SDK1: variants seen among roughly 807,000 people sequenced by gnomAD.
The protein encoded by SDK1 is sidekick cell adhesion molecule 1.
A neutral mutation model predicts 245.5 loss-of-function variants in SDK1; 157 were observed. The ratio of observed to expected loss-of-function variants is 0.64; its 90% CI spans 0.56 to 0.73. The LOEUF (loss-of-function observed/expected upper bound fraction) is 0.73. SDK1 is among the 30% of genes least tolerant of loss of function. SDK1 has a pLI of 0.00. For missense variants in SDK1, 3,583 were observed against 3,002.3 expected, an observed-to-expected ratio of 1.19 and a Z score of -4.52; for synonymous variants, 1,647 against 1,278.5, an observed-to-expected ratio of 1.29 and a Z score of -6.15.
Position 3,502,787 on chromosome 7 carries a change from T to C in SDK1, c.299-116293T>C, listed in dbSNP as rs557568870. On this transcript the variant is annotated intron_variant, in intron 1 of 44. Transcript: ENST00000404826. ...TCAGGCTAATTAACAACACATTTCT[T>C]ACACGTGAGAGGGCTGTTTTTTAGA... is the stretch of plus-strand genomic sequence containing the variant. Among the ~76,000 whole-genome samples the C allele has an allele frequency of 1.9e-4, 29 of 152,362 alleles. 1 individual carries two copies. Among genetic ancestry groups the C allele is most frequent in the Non-Finnish European group, 3.7e-4 (25 of 68,032 alleles).
intron 4 of SDK1, among the ~76,000 whole-genome samples, chr7:3,663,784 A>G (rs528118945): frequency 7.9e-5 from 12 of 152,306 alleles, no homozygotes; most frequent in Admixed American, 2.6e-4. Flanking sequence ...CTGTACATCT[A>G]AAAGGAAGTA....
At chr7:3,367,518 T>C (rs1781122787) in intron 1 of SDK1, among the ~76,000 whole-genome samples, 1 of 152,230 alleles carries the variant, frequency 6.6e-6, no homozygotes, top group Admixed American at 6.5e-5. Context: ...ATCTATCCCA[T>C]ACTTGTCATT....
At chr7:4,008,265 G>A (rs755324316) in intron 14 of SDK1, among the ~76,000 whole-genome samples, 5 of 152,196 alleles carry the variant, frequency 3.3e-5, no homozygotes, top group South Asian at 2.1e-4. Flanking sequence ...TGGACAGATC[G>A]TATTTGTTTA....
intron 18 of SDK1, among the ~76,000 whole-genome samples, chr7:4,051,056 C>T (rs1219800706): frequency 2.2e-5 from 3 of 137,554 alleles, no homozygotes; most frequent in Non-Finnish European, 4.6e-5. Context: ...GTATACTATA[C>T]ATATATATGT....
rs1257038256 is a variant in SDK1 at position 3,910,006 on chromosome 7, C to T, written c.848-40917C>T. On this transcript the variant is annotated intron_variant, in intron 5 of 44. Coordinates refer to ENST00000404826, the MANE Select transcript of SDK1 (RefSeq NM_152744.4). ...TTAAAATGTATAAAGATAATAAAAG[C>T]GCTCATGGATGGAAAGGCCATCTGA... Among the ~76,000 whole-genome samples, 6 of 152,226 alleles carry T rather than the reference C, an allele frequency of 3.9e-5. No individual in the cohort carries two copies. The East Asian group carries it at 9.7e-4, about 25-fold the overall frequency.
chr7:3,395,335 A>G (rs1379666164), intron 1 of SDK1, among the ~76,000 whole-genome samples: 2 of 151,904 alleles, frequency 1.3e-5, no homozygotes, highest in South Asian at 2.1e-4. Flanking sequence ...ATGGCTTATC[A>G]TCTTTTTTTA....
chr7:4,167,384 A>C (rs1434111807), intron 32 of SDK1, among the ~76,000 whole-genome samples: 1 of 151,952 alleles, frequency 6.6e-6, no homozygotes, highest in Non-Finnish European at 1.5e-5. Context: ...GCCTGGCGAC[A>C]GAGCAAGACT....
At chr7:3,525,336 A>C (rs1268831379) in intron 1 of SDK1, among the ~76,000 whole-genome samples, 1 of 152,120 alleles carries the variant, frequency 6.6e-6, no homozygotes, top group Non-Finnish European at 1.5e-5. Context: ...GTTTATCAGC[A>C]GACACAGATG....
intron 1 of SDK1, among the ~76,000 whole-genome samples, chr7:3,598,394 A>G (rs758381945): frequency 1.3e-5 from 2 of 152,032 alleles, no homozygotes; most frequent in Non-Finnish European, 2.9e-5. Context: ...TAAGCTTTTT[A>G]TTTTTATTTT....
intron 2 of SDK1, among the ~76,000 whole-genome samples, chr7:3,633,181 G>C (rs1782350345): frequency 6.6e-6 from 1 of 151,986 alleles, no homozygotes; most frequent in Non-Finnish European, 1.5e-5. Flanking sequence ...TTTCATACCA[G>C]CATAAAAATT....
intron 1 of SDK1, among the ~76,000 whole-genome samples, chr7:3,485,411 A>T (rs1232628571): frequency 6.6e-6 from 1 of 151,948 alleles, no homozygotes; most frequent in African/African-American, 2.4e-5. Context: ...GGCAGGGCTA[A>T]CACCTAGTTC....
At chr7:4,171,766 G>A (rs1781853443) in intron 32 of SDK1, among the ~76,000 whole-genome samples, 1 of 152,244 alleles carries the variant, frequency 6.6e-6, no homozygotes, top group Admixed American at 6.5e-5. Context: ...TAGATGCCGG[G>A]CAGTGCCATT....
intron 1 of SDK1, among the ~76,000 whole-genome samples, chr7:3,548,768 T>G (rs1005118289): frequency 2.6e-5 from 4 of 152,236 alleles, no homozygotes; most frequent in African/African-American, 9.6e-5. Context: ...ACTCCCATCT[T>G]CCTTTTATAT....
intron 1 of SDK1, among the ~76,000 whole-genome samples, chr7:3,455,960 T>C (rs1009905254): frequency 3.3e-5 from 5 of 152,186 alleles, no homozygotes; most frequent in Non-Finnish European, 5.9e-5. Context: ...TGTCTTAGAA[T>C]GTTCTTATTT....
At chr7:3,751,981 T>C (rs1411962802) in intron 4 of SDK1, among the ~76,000 whole-genome samples, 3 of 152,236 alleles carry the variant, frequency 2.0e-5, no homozygotes, top group African/African-American at 7.2e-5. Context: ...GTATTTGAGA[T>C]AGGCAGAAGA....
At position 3,755,114 on chromosome 7, in the gene SDK1, G is replaced by A. The variant is rs115767022; in HGVS notation, c.714-66336G>A. Among the ~76,000 whole-genome samples, 300 of 152,304 alleles carry A rather than the reference G, an allele frequency of 2.0e-3. 1 individual carries two copies. The highest frequency in any genetic ancestry group is 6.9e-3 in the African/African-American group (287 of 41,568). On this transcript the variant is annotated intron_variant, in intron 4 of 44. Transcript: ENST00000404826. ...CCTTTGCTCTTGGCAGAGACTCAAA[G>A]GCAGCCAGAGGGGTGGGAAAGCTTC...
intron 1 of SDK1, among the ~76,000 whole-genome samples, chr7:3,535,368 A>G (rs1286648072): frequency 1.3e-5 from 2 of 152,216 alleles, no homozygotes; most frequent in African/African-American, 2.4e-5. Context: ...TATTCTAATT[A>G]CATGCATTAA....
At chr7:3,622,959 T>G (rs915018814) in intron 2 of SDK1, among the ~76,000 whole-genome samples, 14 of 152,184 alleles carry the variant, frequency 9.2e-5, no homozygotes, top group East Asian at 3.9e-4. Context: ...TTCAAATTAC[T>G]CTTTCATCTA....
intron 10 of SDK1, among the ~76,000 whole-genome samples, chr7:3,968,851 A>G (rs1257800390): frequency 1.3e-5 from 2 of 152,212 alleles, no homozygotes; most frequent in African/African-American, 4.8e-5. Context: ...ATATAAACAC[A>G]TACCTGAGAC....
Sources: gnomAD v4.1 joint callset for allele counts (sites outside exome capture counted in the v4.1 genomes callset) on GRCh38, gnomAD v4.1.1 for gene constraint, MANE v1.5 for transcripts, NCBI Gene and HGNC (gene_info 2026-07-23, HGNC 2026-07-21) for gene names.